GOLGA1: variants seen among roughly 807,000 people sequenced by gnomAD.
GOLGA1 encodes the protein golgin subfamily A member 1.
GOLGA1 carries 63 observed loss-of-function variants against 119.7 expected under a neutral mutation model. The observed-to-expected ratio is 0.53, with a 90% CI of 0.43 to 0.65. GOLGA1 has a LOEUF of 0.65. Ranked by LOEUF, GOLGA1 falls within the 30% of genes least tolerant of loss-of-function variation. GOLGA1 has a pLI of 0.00. For synonymous variants in GOLGA1, 318 were observed against 333.4 expected (o/e 0.95, Z 0.50); for missense variants, 798 against 912.8 (o/e 0.87, Z 1.62).
intron 16 of GOLGA1, among the ~76,000 whole-genome samples, chr9:124,889,920 G>C (rs1422654827): frequency 2.0e-5 from 3 of 152,206 alleles, no homozygotes; most frequent in Non-Finnish European, 4.4e-5. Flanking sequence ...TAGAAGGCTA[G>C]AGTCCTCATC....
At chr9:124,897,188 A>G (rs1215718442) in intron 15 of GOLGA1, among the ~76,000 whole-genome samples, 1 of 152,142 alleles carries the variant, frequency 6.6e-6, no homozygotes. Context: ...CATATGGAAA[A>G]GAGACCTCTC....
chr9:124,933,664 C>T (rs140696352), intron 3 of GOLGA1, among the ~76,000 whole-genome samples: 10 of 152,326 alleles, frequency 6.6e-5, no homozygotes, highest in Admixed American at 2.0e-4. Context: ...ATCCATCTGC[C>T]TTGGTCCCCC....
chr9:124,894,382 G>T (rs1421099481), intron 15 of GOLGA1, among the ~76,000 whole-genome samples: 3 of 34,306 alleles, frequency 8.7e-5, no homozygotes, highest in South Asian at 9.3e-4. Context: ...TTAAAGTTTT[G>T]TGTGTGTGTG....
At chr9:124,910,101 T>C (rs1358365275) in intron 11 of GOLGA1, among the ~76,000 whole-genome samples, 4 of 152,038 alleles carry the variant, frequency 2.6e-5, no homozygotes, top group African/African-American at 9.7e-5. Context: ...CAGCTAATTT[T>C]TGTATTTTTA....
intron 12 of GOLGA1, among the ~76,000 whole-genome samples, chr9:124,903,909 C>T (rs778275975): frequency 8.6e-5 from 13 of 151,782 alleles, no homozygotes; most frequent in Non-Finnish European, 1.8e-4. Context: ...ATTAGCCAGG[C>T]GTGGTGGAGC....
At chr9:124,940,527 G>A (rs144280012) in intron 1 of GOLGA1, among the ~76,000 whole-genome samples, 16 of 152,324 alleles carry the variant, frequency 1.1e-4, no homozygotes, top group African/African-American at 3.6e-4. Context: ...GCCAGACCCT[G>A]GGCGTCTGGT....
At chr9:124,921,462 T>C (rs977529742) in intron 9 of GOLGA1, among the ~76,000 whole-genome samples, 5 of 152,202 alleles carry the variant, frequency 3.3e-5, no homozygotes, top group African/African-American at 1.2e-4. Context: ...TGCCTTTCCT[T>C]AGTCTATTAA....
In GOLGA1 at chr9:124,889,510, G is replaced by A. The variant is rs369454281; in HGVS notation, c.1524C>T (p.Asp508=). ...TTTCCCGCAGATTCTGTTCCTTCTC[G>A]TCTATTATGGCTGTCAGGTTAGCTG... ...QQAANLTAII[D]EKEQNLREKT... The change falls in exon 17 of 23, where the codon GAC becomes GAT. Residue 508 remains aspartate, a synonymous_variant. Coordinates refer to ENST00000373555, the MANE Select transcript of GOLGA1 (RefSeq NM_002077.4). 13 of 1,613,104 alleles carry A rather than the reference G, an allele frequency of 8.1e-6. No individual in the cohort carries two copies. The highest frequency in any genetic ancestry group is 4.5e-5 in the East Asian group (2 of 44,886).
Position 124,889,240 on chromosome 9 carries a change from AGGGTCCTCAGG to A in GOLGA1, c.1653_1663del (p.Leu552GlnfsTer30). On this transcript the variant is annotated frameshift_variant, in exon 18 of 23. Transcript: ENST00000373555. LOFTEE classifies it high-confidence loss of function. The stretch of plus-strand genomic sequence containing the variant: ...GACCACTGCAGCCTCCTCCGCCTTG[AGGGTCCTCAGG>A]GCCTCCAGCTCGGCCTGCAGCTGGT... The A allele has an allele frequency of 6.2e-7, 1 of 1,613,780 alleles. No individual in the cohort carries two copies. The highest frequency in any genetic ancestry group is 8.5e-7 in the Non-Finnish European group (1 of 1,179,958).
At position 124,902,848 on chromosome 9, in the gene GOLGA1, C is replaced by T. The variant is rs1193851394; in HGVS notation, c.1066-2301G>A. On this transcript the variant is annotated intron_variant, in intron 12 of 22. Transcript: ENST00000373555. ...CATACATTCACATCTTAGATTTAAC[C>T]GAAACAATCCCATGAGAAAGGGGCT... Among the ~76,000 whole-genome samples the T allele has an allele frequency of 5.3e-5, 8 of 152,144 alleles. No homozygotes were observed. In the East Asian group the frequency reaches 1.2e-3, roughly 22 times the overall value.
At chr9:124,930,190 G>GT (rs1165127237) in intron 4 of GOLGA1, among the ~76,000 whole-genome samples, 1 of 152,104 alleles carries the variant, frequency 6.6e-6, no homozygotes, top group Non-Finnish European at 1.5e-5. Flanking sequence ...CTTCTCTAAC[G>GT]TAAGTCAAGC....
chr9:124,879,573 C>T lies in GOLGA1; in HGVS notation c.*957G>A, dbSNP rs936176990. ...TAGAAGACAGGTGGTCTGCATCGCC[C>T]AGCGGCAGCGCAGCACAGAATCAAG... On this transcript the variant is annotated 3_prime_UTR_variant, in exon 23 of 23. Coordinates refer to ENST00000373555, the MANE Select transcript of GOLGA1 (RefSeq NM_002077.4). 6.6e-6 allele frequency: 1 copy of T among 151,410 alleles called. No homozygotes were observed. The highest frequency in any genetic ancestry group is 2.4e-5 in the African/African-American group (1 of 41,112). 9.4% of individuals were successfully genotyped at this position (151,410 alleles called of 1,614,324 possible).
intron 12 of GOLGA1, among the ~76,000 whole-genome samples, chr9:124,902,158 C>A (rs1275638346): frequency 3.9e-5 from 6 of 152,214 alleles, no homozygotes; most frequent in Non-Finnish European, 7.3e-5. Context: ...GTCGCCCAGG[C>A]TGGAGTGCAG....
In GOLGA1 at chr9:124,902,779, G is replaced by A. The variant is rs142637388; in HGVS notation, c.1066-2232C>T. 7.7e-4 allele frequency among the ~76,000 whole-genome samples: 118 copies of A among 152,268 alleles called. 1 individual carries two copies. Among genetic ancestry groups the A allele is most frequent in the Middle Eastern group, 3.4e-3 (1 of 294 alleles). ...GCTGGGATTACAGGCATGAGCCACC[G>A]TGTCCAGCCAAGGAGAGGACGTTTT... On this transcript the variant is annotated intron_variant, in intron 12 of 22. Transcript: ENST00000373555.
At chr9:124,936,946 A>T (rs904069981) in intron 3 of GOLGA1, among the ~76,000 whole-genome samples, 3 of 152,250 alleles carry the variant, frequency 2.0e-5, no homozygotes, top group Non-Finnish European at 4.4e-5. Flanking sequence ...AAGATATTTT[A>T]AAAAGCAAGT....
chr9:124,889,435 T>C lies in GOLGA1; in HGVS notation c.1599A>G (p.Arg533=). The C allele has an allele frequency of 6.2e-7, 1 of 1,610,342 alleles. No homozygotes were observed. The highest frequency in any genetic ancestry group is 8.5e-7 in the Non-Finnish European group (1 of 1,176,420). ...QKEQEILQLE[R]GHNSALLQIH... The stretch of plus-strand genomic sequence containing the variant: ...CTCAGCCAGGGACCGACTCCTCACC[T>C]CGCTCCAGCTGGAGAATCTCCTGCT... Residue 533 remains arginine (R), a splice_region_variant and synonymous_variant, in exon 17 of 23, where the codon CGA becomes CGG. Transcript: ENST00000373555.
At chr9:124,938,250 T>C (rs1343050371) in intron 3 of GOLGA1, among the ~76,000 whole-genome samples, 1 of 152,190 alleles carries the variant, frequency 6.6e-6, no homozygotes, top group Non-Finnish European at 1.5e-5. Flanking sequence ...TAAGTATATA[T>C]GTCTGCAATG....
rs1829499117 is a variant in GOLGA1, at chr9:124,878,595, A to G, written c.*1935T>C. The G allele has an allele frequency of 6.6e-6, 1 of 152,538 alleles. No individual in the cohort carries two copies. The highest frequency in any genetic ancestry group is 2.1e-4 in the South Asian group (1 of 4,834). The allele number at this position is 152,538 out of a possible 1,614,324, so 9.4% of individuals were successfully genotyped here. A position where few individuals can be genotyped will look rare whatever the true frequency, so the allele number is the denominator to read the frequency against. ...ATTCCACTCTTCCTCTTAAAGCTGA[A>G]GGAAATTCAACATGCAGGAGGAAAG... On this transcript the variant is annotated 3_prime_UTR_variant, in exon 23 of 23. Transcript: ENST00000373555.
chr9:124,894,379 T>TG (rs1829919207), intron 15 of GOLGA1, among the ~76,000 whole-genome samples: 1 of 119,220 alleles, frequency 8.4e-6, no homozygotes, highest in Non-Finnish European at 1.7e-5. Flanking sequence ...AATTTAAAGT[T>TG]TTGTGTGTGT....
Sources: gnomAD v4.1 joint callset for allele counts (sites outside exome capture counted in the v4.1 genomes callset) on GRCh38, gnomAD v4.1.1 for gene constraint, MANE v1.5 for transcripts, NCBI Gene and HGNC (gene_info 2026-07-23, HGNC 2026-07-21) for gene names.